Variants in PRKCQ observed in about 807,000 individuals in gnomAD.
The protein encoded by PRKCQ is protein kinase C theta type.
Under a neutral mutation model 91.2 loss-of-function variants are expected in PRKCQ, and 41 were observed. The ratio of observed to expected loss-of-function variants is 0.45; its 90% confidence interval spans 0.35 to 0.58. The LOEUF is 0.58. PRKCQ is among the 20% of genes least tolerant of loss of function. The pLI is 0.00. For synonymous variants in PRKCQ, 307 were observed against 316.9 expected (o/e 0.97, Z 0.33); for missense variants, 673 against 896.5 (o/e 0.75, Z 3.18).
chr10:6,483,186 C>T lies in PRKCQ; in HGVS notation c.1179+254G>A, dbSNP rs551644839. ...TTCCTATTTCTTTGGTGCCCAAAGACATCAAACTCATAGGCGTGTGAGATG... is the reference window on the plus strand; with the variant it reads ...TTCCTATTTCTTTGGTGCCCAAAGATATCAAACTCATAGGCGTGTGAGATG... On this transcript the variant is annotated intron_variant, in intron 11 of 17. Transcript: ENST00000263125. Among the ~76,000 whole-genome samples, 10 of 152,282 alleles carry T rather than the reference C, an allele frequency of 6.6e-5. No individual in the cohort carries two copies. In the South Asian group the frequency reaches 1.2e-3, roughly 19 times the overall value.
chr10:6,491,274 G>A (rs978526028), intron 8 of PRKCQ, among the ~76,000 whole-genome samples: 1 of 152,224 alleles, frequency 6.6e-6, no homozygotes, highest in Non-Finnish European at 1.5e-5. Flanking sequence ...CTTACTGGCT[G>A]GTGCAAAGGA....
At chr10:6,416,526 C>T in the PRKCQ span, among the ~76,000 whole-genome samples, 2 of 152,174 alleles carry the variant, frequency 1.3e-5, no homozygotes, top group African/African-American at 4.8e-5. Flanking sequence ...ATCCAAGTTG[C>T]TGCAAAAGAC....
chr10:6,536,634 T>A (rs1839593646), intron 1 of PRKCQ, among the ~76,000 whole-genome samples: 1 of 152,222 alleles, frequency 6.6e-6, no homozygotes, highest in Non-Finnish European at 1.5e-5. Flanking sequence ...GTTCTCCCTG[T>A]TCTTCTCCCA....
At position 6,568,741 on chromosome 10, in the gene PRKCQ, G is replaced by A. The variant is rs147732609; in HGVS notation, c.-10+11470C>T. On this transcript the variant is annotated intron_variant, in intron 1 of 17. Transcript: ENST00000263125. ...TCTCAATCTCCTGACCTCGTGATCC[G>A]CCCACCTCGGCCTCCCAAAGTGCTG... 1.1e-3 allele frequency among the ~76,000 whole-genome samples: 168 copies of A among 152,114 alleles called. 1 individual carries two copies. The East Asian group carries it at 0.029, about 26-fold the overall frequency.
intron 1 of PRKCQ, among the ~76,000 whole-genome samples, chr10:6,572,364 T>C (rs1264151214): frequency 5.3e-5 from 8 of 152,118 alleles, no homozygotes; most frequent in Non-Finnish European, 1.2e-4. Context: ...TAGCTACTTT[T>C]CCTAATGCTC....
chr10:6,412,339 C>A, the PRKCQ span, among the ~76,000 whole-genome samples: 1 of 152,200 alleles, frequency 6.6e-6, no homozygotes, highest in South Asian at 2.1e-4. Flanking sequence ...ATCCTCAAAT[C>A]AGTTTAGAGA....
intron 10 of PRKCQ, 122 bp downstream of exon 10, chr10:6,485,030 G>C: frequency 1.2e-6 from 1 of 808,518 alleles, no homozygotes; most frequent in East Asian, 2.5e-5. Context: ...CTCTTAGTTG[G>C]TAGCTGGAGG....
the PRKCQ span, among the ~76,000 whole-genome samples, chr10:6,400,084 G>A: frequency 6.6e-6 from 1 of 152,224 alleles, no homozygotes; most frequent in East Asian, 1.9e-4. Context: ...TGAAGAGCAG[G>A]AACGTGGCCA....
chr10:6,476,227 A>T (rs1315196735), intron 12 of PRKCQ, among the ~76,000 whole-genome samples: 4 of 152,054 alleles, frequency 2.6e-5, no homozygotes, highest in Admixed American at 6.6e-5. Flanking sequence ...ATGGACAGGC[A>T]AGAGAAAGGA....
At chr10:6,396,741 C>T in the PRKCQ span, among the ~76,000 whole-genome samples, 9 of 152,188 alleles carry the variant, frequency 5.9e-5, no homozygotes, top group African/African-American at 1.7e-4. Flanking sequence ...CATGTTGCAG[C>T]GAAGCTTGGT....
the PRKCQ span, among the ~76,000 whole-genome samples, chr10:6,406,010 C>T: frequency 6.6e-6 from 1 of 152,164 alleles, no homozygotes; most frequent in Admixed American, 6.5e-5. Context: ...GAGGGCCCAT[C>T]CTGGAGGACA....
intron 17 of PRKCQ, among the ~76,000 whole-genome samples, chr10:6,429,047 T>C (rs1833275870): frequency 1.3e-5 from 2 of 152,166 alleles, no homozygotes; most frequent in African/African-American, 4.8e-5. Flanking sequence ...TGTCCCAAGA[T>C]TGAGAACAAC....
chr10:6,489,621 C>G, intron 8 of PRKCQ: 4 of 385,820 alleles, frequency 1.0e-5, no homozygotes, highest in South Asian at 7.9e-5. Context: ...CGGGGGCATG[C>G]GGGGTGAGCG....
chr10:6,503,148 C>T lies in PRKCQ; in HGVS notation c.379+4288G>A, dbSNP rs575442632. 7.9e-5 allele frequency among the ~76,000 whole-genome samples: 12 copies of T among 152,234 alleles called. No homozygotes were observed. In the East Asian group the frequency reaches 2.1e-3, roughly 27 times the overall value. On this transcript the variant is annotated intron_variant, in intron 4 of 17. Coordinates refer to ENST00000263125, the MANE Select transcript of PRKCQ (RefSeq NM_006257.5). Reference sequence around the variant, plus strand: ...ACAAAGGCTTATCATGGGAGCCAGGCTAGGTAGAGTTAATGCCAGAAAGTG... The same window carrying T: ...ACAAAGGCTTATCATGGGAGCCAGGTTAGGTAGAGTTAATGCCAGAAAGTG...
At chr10:6,522,006 G>A (rs1340902888) in intron 1 of PRKCQ, among the ~76,000 whole-genome samples, 5 of 151,950 alleles carry the variant, frequency 3.3e-5, no homozygotes, top group African/African-American at 4.8e-5. Context: ...GCAATGGCAC[G>A]ATCTTGGCTC....
chr10:6,493,033 A>G (rs2130807126), intron 7 of PRKCQ, among the ~76,000 whole-genome samples: 1 of 152,308 alleles, frequency 6.6e-6, no homozygotes, highest in South Asian at 2.1e-4. Flanking sequence ...CTTATATTCC[A>G]CAGTTTAAAT....
intron 16 of PRKCQ, among the ~76,000 whole-genome samples, chr10:6,432,642 TCA>T (rs1321493386): frequency 6.6e-6 from 1 of 152,280 alleles, no homozygotes; most frequent in East Asian, 1.9e-4. Context: ...TTTCTGAGTC[TCA>T]GTTTCCTCGT....
At chr10:6,562,464 C>G (rs972038070) in intron 1 of PRKCQ, among the ~76,000 whole-genome samples, 2 of 152,148 alleles carry the variant, frequency 1.3e-5, no homozygotes, top group Non-Finnish European at 2.9e-5. Context: ...TAGCAGAGCT[C>G]CCGGCTTGAT....
At chr10:6,578,659 G>A (rs1841332933) in intron 1 of PRKCQ, among the ~76,000 whole-genome samples, 1 of 152,232 alleles carries the variant, frequency 6.6e-6, no homozygotes, top group African/African-American at 2.4e-5. Context: ...GGACTAACAA[G>A]AGCCTTCTGC....
Sources: gnomAD v4.1 joint callset for allele counts (sites outside exome capture counted in the v4.1 genomes callset) on GRCh38, gnomAD v4.1.1 for gene constraint, MANE v1.5 for transcripts, NCBI Gene and HGNC (gene_info 2026-07-23, HGNC 2026-07-21) for gene names.